The following COG5 variants were observed in gnomAD, a reference collection of about 807,000 sequenced individuals.
The protein encoded by COG5 is conserved oligomeric Golgi complex subunit 5.
In COG5, 86 loss-of-function variants were observed where a neutral mutation model predicts 110.4. The ratio of observed to expected loss-of-function variants is 0.78; its 90% CI spans 0.65 to 0.93. COG5 has a LOEUF of 0.93. Ranked by LOEUF, COG5 falls within the 40% of genes least tolerant of loss-of-function variation. COG5 has a pLI of 0.00. For missense variants in COG5, 1,077 were observed against 987.0 expected (o/e 1.09, Z -1.22); for synonymous variants, 360 against 334.6 (o/e 1.08, Z -0.83).
chr7:107,331,888 C>G (rs530300490), intron 10 of COG5, among the ~76,000 whole-genome samples: 1 of 146,928 alleles, frequency 6.8e-6, no homozygotes, highest in East Asian at 2.0e-4. Flanking sequence ...GTTACCCAGG[C>G]TGGAGTACAG....
At chr7:107,311,327 G>A (rs563449931) in intron 11 of COG5, among the ~76,000 whole-genome samples, 55 of 143,602 alleles carry the variant, frequency 3.8e-4, no homozygotes, top group Middle Eastern at 3.7e-3. Flanking sequence ...CTCTCTGTAC[G>A]TTCTGCATTT....
chr7:107,201,810 A>ATACAT lies in COG5; in HGVS notation c.*1701_*1705dup, dbSNP rs2116052676. 5.7e-6 allele frequency: 1 copy of ATACAT among 176,170 alleles called. No homozygotes were observed. Among genetic ancestry groups the ATACAT allele is most frequent in the South Asian group, 1.6e-4 (1 of 6,364 alleles). The allele number at this position is 176,170 out of a possible 1,614,324, so 10.9% of individuals were successfully genotyped here. A position where few individuals can be genotyped will look rare whatever the true frequency, so the allele number is the denominator to read the frequency against. The stretch of plus-strand genomic sequence containing the variant: ...TTTAAAAAATATGTAACTGCTGTTT[A>ATACAT]TACATTGGCTCCTTACTGCTTATTA... On this transcript the variant is annotated 3_prime_UTR_variant, in exon 22 of 22. Transcript: ENST00000297135.
chr7:107,511,540 C>T (rs1388372914), intron 6 of COG5, among the ~76,000 whole-genome samples: 12 of 152,206 alleles, frequency 7.9e-5, no homozygotes, highest in African/African-American at 2.2e-4. Context: ...CCCTAACTCA[C>T]TTTATGAGGC....
chr7:107,519,940 T>C (rs970214467), intron 6 of COG5, among the ~76,000 whole-genome samples: 2 of 152,300 alleles, frequency 1.3e-5, no homozygotes, highest in East Asian at 3.9e-4. Context: ...AAAAAACTTA[T>C]CCACCACGAT....
chr7:107,425,386 T>C (rs1793575689), intron 6 of COG5, among the ~76,000 whole-genome samples: 1 of 151,262 alleles, frequency 6.6e-6, no homozygotes, highest in African/African-American at 2.4e-5. Flanking sequence ...TCTATTTATA[T>C]CCTACTCTCC....
intron 6 of COG5, among the ~76,000 whole-genome samples, chr7:107,520,889 A>G (rs1190769444): frequency 3.3e-5 from 5 of 152,224 alleles, no homozygotes; most frequent in Non-Finnish European, 5.9e-5. Flanking sequence ...ATCTGACTTC[A>G]AACTATACTA....
chr7:107,553,602 A>G (rs1168587902), intron 3 of COG5, among the ~76,000 whole-genome samples: 1 of 152,188 alleles, frequency 6.6e-6, no homozygotes, highest in African/African-American at 2.4e-5. Context: ...GTAAAACACA[A>G]TAGTAACATT....
chr7:107,426,831 T>C (rs1793674250), intron 6 of COG5, among the ~76,000 whole-genome samples: 2 of 152,192 alleles, frequency 1.3e-5, no homozygotes. Flanking sequence ...CCTGTAAAAC[T>C]TTGTTCTCTT....
intron 10 of COG5, among the ~76,000 whole-genome samples, chr7:107,331,332 G>C (rs1322690304): frequency 6.6e-6 from 1 of 152,058 alleles, no homozygotes; most frequent in Non-Finnish European, 1.5e-5. Context: ...GCCAGGCGTG[G>C]TGGCGGGTGC....
In COG5 at chr7:107,407,958, C is replaced by T. The variant is rs372209040; in HGVS notation, c.669+4544G>A. 4.0e-4 allele frequency among the ~76,000 whole-genome samples: 61 copies of T among 152,080 alleles called. 1 individual carries two copies. Among genetic ancestry groups the T allele is most frequent in the African/African-American group, 1.3e-3 (54 of 41,466 alleles). On this transcript the variant is annotated intron_variant, in intron 7 of 21. Transcript: ENST00000297135. ...TTGTTGAAGAATTTTAAGTAGCAAA[C>T]GGACATGACTAGATATGCCTTATAT...
chr7:107,348,000 C>T (rs148304441), intron 10 of COG5, among the ~76,000 whole-genome samples: 2 of 151,542 alleles, frequency 1.3e-5, no homozygotes, highest in Admixed American at 6.6e-5. Flanking sequence ...GTGGCACACA[C>T]CTGTAGTCCC....
intron 10 of COG5, among the ~76,000 whole-genome samples, chr7:107,360,370 G>C (rs968911151): frequency 6.6e-6 from 1 of 152,162 alleles, no homozygotes; most frequent in Non-Finnish European, 1.5e-5. Context: ...TTGGATGTGG[G>C]ACAAGAACTC....
Position 107,451,382 on chromosome 7 carries a change from T to C in COG5, c.539-38750A>G, listed in dbSNP as rs1795329233. Among the ~76,000 whole-genome samples, 13 of 152,288 alleles carry C rather than the reference T, an allele frequency of 8.5e-5. 1 individual carries two copies. The South Asian group carries it at 2.5e-3, about 29-fold the overall frequency. ...GACAATCTAGCAGAATGGTTCTAATTATTCAAGACTACTTTTGACTTCTTT... is the reference window on the plus strand; with the variant it reads ...GACAATCTAGCAGAATGGTTCTAATCATTCAAGACTACTTTTGACTTCTTT... On this transcript the variant is annotated intron_variant, in intron 6 of 21. Transcript: ENST00000297135.
intron 10 of COG5, among the ~76,000 whole-genome samples, chr7:107,339,308 CA>C (rs1354198461): frequency 1.7e-4 from 26 of 152,038 alleles, no homozygotes; most frequent in Non-Finnish European, 1.2e-4. Flanking sequence ...GTGCTCAATT[CA>C]ACAAAAAGAC....
At chr7:107,348,191 T>C (rs907238475) in intron 10 of COG5, among the ~76,000 whole-genome samples, 3 of 151,784 alleles carry the variant, frequency 2.0e-5, no homozygotes, top group East Asian at 1.9e-4. Flanking sequence ...TTGATAGTTA[T>C]GTCATCTGTA....
intron 7 of COG5, among the ~76,000 whole-genome samples, chr7:107,409,812 G>T (rs1440764516): frequency 6.6e-6 from 1 of 152,166 alleles, no homozygotes; most frequent in Non-Finnish European, 1.5e-5. Context: ...TTGTGACCTT[G>T]ATTTTCCTTG....
At chr7:107,498,820 G>A (rs967766462) in intron 6 of COG5, among the ~76,000 whole-genome samples, 8 of 152,102 alleles carry the variant, frequency 5.3e-5, no homozygotes, top group African/African-American at 1.9e-4. Flanking sequence ...ACTGAAATAG[G>A]ATCTTGAGGA....
intron 10 of COG5, among the ~76,000 whole-genome samples, chr7:107,349,421 C>T (rs1050976450): frequency 3.3e-5 from 5 of 151,818 alleles, no homozygotes; most frequent in African/African-American, 9.7e-5. Context: ...TTTTTTGAGG[C>T]GGAGTCTTGC....
chr7:107,476,350 T>G (rs1207700295), intron 6 of COG5, among the ~76,000 whole-genome samples: 1 of 150,966 alleles, frequency 6.6e-6, no homozygotes, highest in Non-Finnish European at 1.5e-5. Flanking sequence ...TAACAAAGCC[T>G]CTAATATTAG....
Sources: gnomAD v4.1 joint callset for allele counts (sites outside exome capture counted in the v4.1 genomes callset) on GRCh38, gnomAD v4.1.1 for gene constraint, MANE v1.5 for transcripts, NCBI Gene and HGNC (gene_info 2026-07-23, HGNC 2026-07-21) for gene names.